PIWIL1: variants seen among roughly 807,000 people sequenced by gnomAD.
PIWIL1 encodes piwi like RNA-mediated gene silencing 1.
In PIWIL1, 73 loss-of-function variants were observed where a neutral mutation model predicts 114.4. That is an observed-to-expected ratio of 0.64 (90% CI 0.53 to 0.78). The LOEUF (loss-of-function observed/expected upper bound fraction) is 0.78, where lower values mean the gene tolerates loss of function less well. Ranked by LOEUF, PIWIL1 falls within the 30% of genes least tolerant of loss-of-function variation. The pLI is 0.00. For missense variants in PIWIL1, 723 were observed against 1,063.1 expected (o/e 0.68, Z 4.45); for synonymous variants, 375 against 369.0 (o/e 1.02, Z -0.19).
chr12:130,346,038 C>G (rs1448618571), intron 4 of PIWIL1, among the ~76,000 whole-genome samples, 160 bp downstream of exon 4: 3 of 152,146 alleles, frequency 2.0e-5, no homozygotes, highest in Non-Finnish European at 4.4e-5. Context: ...TTATAGATAT[C>G]TTTAACTGCA....
chr12:130,352,867 G>A (rs1473922508), intron 9 of PIWIL1, among the ~76,000 whole-genome samples: 3 of 152,190 alleles, frequency 2.0e-5, no homozygotes, highest in Non-Finnish European at 4.4e-5. Flanking sequence ...GTGATGTGGT[G>A]TGGAGGGTAA....
chr12:130,364,805 A>G (rs1346032573), intron 18 of PIWIL1, among the ~76,000 whole-genome samples: 1 of 152,052 alleles, frequency 6.6e-6, no homozygotes, highest in African/African-American at 2.4e-5. Flanking sequence ...CCTGCGATTT[A>G]CTACTTGAGC....
chr12:130,340,439 A>G (rs886537616), intron 1 of PIWIL1, among the ~76,000 whole-genome samples: 1 of 151,924 alleles, frequency 6.6e-6, no homozygotes, highest in African/African-American at 2.4e-5. Context: ...AGATTCTCAT[A>G]AGGAGCAGGC....
downstream of PIWIL1, among the ~76,000 whole-genome samples, chr12:130,377,022 G>A (rs34967114): frequency 0.021 from 3,243 of 152,252 alleles, 41 homozygotes; most frequent in African/African-American, 0.034. Context: ...GCACAGGGAA[G>A]CCCTCTGTGA....
the PIWIL1 span, chr12:130,396,193 A>C: frequency 4.6e-5 from 7 of 152,696 alleles, no homozygotes; most frequent in Non-Finnish European, 1.0e-4. Flanking sequence ...GCACATGCAC[A>C]CACCCACACA....
intron 1 of PIWIL1, among the ~76,000 whole-genome samples, chr12:130,341,418 T>A (rs1166353528): frequency 6.6e-6 from 1 of 152,236 alleles, no homozygotes; most frequent in Non-Finnish European, 1.5e-5. Flanking sequence ...CTACCAAAGA[T>A]ATTTTGGATT....
chr12:130,375,686 T>C (rs2073861649), downstream of PIWIL1, among the ~76,000 whole-genome samples: 1 of 139,664 alleles, frequency 7.2e-6, no homozygotes, highest in Non-Finnish European at 1.6e-5. Flanking sequence ...ACTGGTGTCA[T>C]TTTTTTTTTA....
chr12:130,399,535 C>T, the PIWIL1 span: 1 of 839,536 alleles, frequency 1.2e-6, no homozygotes, highest in Non-Finnish European at 1.8e-6. Context: ...GGTACAACTC[C>T]CATGGCTTCA....
chr12:130,391,588 T>C, the PIWIL1 span, among the ~76,000 whole-genome samples: 22 of 152,332 alleles, frequency 1.4e-4, 1 homozygote, highest in South Asian at 1.0e-3. Context: ...ATGTGTCTTC[T>C]TCTTCTGGTA....
intron 14 of PIWIL1, among the ~76,000 whole-genome samples, chr12:130,359,346 A>G (rs1306119499): frequency 6.6e-6 from 1 of 152,126 alleles, no homozygotes; most frequent in Non-Finnish European, 1.5e-5. Flanking sequence ...AGTGGAAGAA[A>G]GTAGGGCTTA....
chr12:130,359,322 A>G (rs2073449396), intron 14 of PIWIL1, among the ~76,000 whole-genome samples: 1 of 152,104 alleles, frequency 6.6e-6, no homozygotes, highest in Non-Finnish European at 1.5e-5. Context: ...TGGCCTCAAG[A>G]CTTCCTGGTC....
chr12:130,410,862 AC>A, the PIWIL1 span, among the ~76,000 whole-genome samples: 1 of 152,184 alleles, frequency 6.6e-6, no homozygotes, highest in African/African-American at 2.4e-5. Context: ...CTCTCCATAT[AC>A]ATTTTAGAAT....
chr12:130,424,950 A>C, the PIWIL1 span: 33 of 679,336 alleles, frequency 4.9e-5, no homozygotes, highest in South Asian at 1.6e-4. This position sits in a 1 kb window ranked among gnomAD's most constrained non-coding sequence, Gnocchi z 9.8. Context: ...TACAGACAGA[A>C]TTAGTCCTGG....
the PIWIL1 span, chr12:130,414,214 C>A: frequency 6.2e-7 from 1 of 1,614,172 alleles, no homozygotes; most frequent in Non-Finnish European, 8.5e-7. Flanking sequence ...TCAAAGAGAG[C>A]CACAAAGATC....
rs34198016 is a variant in PIWIL1, at chr12:130,363,612, C to CTTTTTTT, written c.2195+485_2195+491dup. ...GGGCAGGGGTAGTTCTACTTTCTCC[C>CTTTTTTT]TTTTTTTTTTTTTTTTTTTTTTTGA... On this transcript the variant is annotated intron_variant, in intron 18 of 20. Coordinates refer to ENST00000245255, the MANE Select transcript of PIWIL1 (RefSeq NM_004764.5). Among the ~76,000 whole-genome samples, 33 of 82,426 alleles carry CTTTTTTT rather than the reference C, an allele frequency of 4.0e-4. 1 individual carries two copies. Among genetic ancestry groups the CTTTTTTT allele is most frequent in the Non-Finnish European group, 6.1e-4 (29 of 47,228 alleles). 54.1% of individuals were successfully genotyped at this position (82,426 alleles called of 152,430 possible).
chr12:130,381,445 T>C, the PIWIL1 span, among the ~76,000 whole-genome samples: 1 of 152,222 alleles, frequency 6.6e-6, no homozygotes, highest in African/African-American at 2.4e-5. Context: ...TCAGGTTGGC[T>C]TCTCTCTCTC....
chr12:130,403,831 G>A, the PIWIL1 span, among the ~76,000 whole-genome samples: 2 of 152,210 alleles, frequency 1.3e-5, no homozygotes, highest in South Asian at 2.1e-4. Context: ...AACTTCCAGT[G>A]CCTTAAAAAT....
At chr12:130,386,463 C>A in the PIWIL1 span, among the ~76,000 whole-genome samples, 1 of 122,152 alleles carries the variant, frequency 8.2e-6, no homozygotes, top group African/African-American at 3.3e-5. Context: ...TCCATTCACC[C>A]ATGCACACTA....
At chr12:130,402,382 C>G in the PIWIL1 span, among the ~76,000 whole-genome samples, 9 of 152,238 alleles carry the variant, frequency 5.9e-5, no homozygotes, top group East Asian at 1.7e-3. Flanking sequence ...CTCTGACTGG[C>G]AGTCAGAACG....
Sources: gnomAD v4.1 joint callset for allele counts (sites outside exome capture counted in the v4.1 genomes callset) on GRCh38, gnomAD v4.1.1 for gene constraint, Gnocchi (gnomAD v3.1) non-coding constraint, MANE v1.5 for transcripts, NCBI Gene and HGNC (gene_info 2026-07-23, HGNC 2026-07-21) for gene names.